The following MYO1E variants were observed in gnomAD, a reference collection of about 807,000 sequenced individuals.
MYO1E encodes the protein myosin IE.
MYO1E carries 68 observed loss-of-function variants against 151.1 expected under a neutral mutation model. The observed-to-expected ratio is 0.45, with a 90% CI of 0.37 to 0.55. MYO1E has a LOEUF of 0.55. Among genes scored for constraint, MYO1E ranks in the 20% least tolerant of loss-of-function variants. The pLI, the probability that MYO1E is intolerant of heterozygous loss-of-function variation, is 0.00. For missense variants in MYO1E, 1,363 were observed against 1,389.3 expected, an observed-to-expected ratio of 0.98 and a Z score of 0.30; for synonymous variants, 601 against 501.7, an observed-to-expected ratio of 1.20 and a Z score of -2.64.
chr15:59,362,527 G>C (rs1269122495), intron 1 of MYO1E, among the ~76,000 whole-genome samples: 1 of 152,202 alleles, frequency 6.6e-6, no homozygotes, highest in Non-Finnish European at 1.5e-5. Context: ...ATCTGATGTG[G>C]AGAAAGGGCA....
chr15:59,207,102 G>A, intron 14 of MYO1E: 1 of 1,614,252 alleles, frequency 6.2e-7, no homozygotes, highest in Non-Finnish European at 8.5e-7. Flanking sequence ...CGACTGTGAA[G>A]AGTGAGCTTA....
chr15:59,354,545 ACTG>A (rs1438102631), intron 1 of MYO1E, among the ~76,000 whole-genome samples: 1 of 152,070 alleles, frequency 6.6e-6, no homozygotes, highest in East Asian at 1.9e-4. Context: ...ACTCGAACAG[ACTG>A]CTGCCTCCAT....
intron 1 of MYO1E, among the ~76,000 whole-genome samples, chr15:59,346,496 G>A (rs2080794909): frequency 6.6e-6 from 1 of 152,126 alleles, no homozygotes; most frequent in Non-Finnish European, 1.5e-5. Flanking sequence ...TTGTAATTCT[G>A]TGGGTTATGA....
chr15:59,288,039 G>C (rs1241896526), intron 1 of MYO1E, among the ~76,000 whole-genome samples: 2 of 152,218 alleles, frequency 1.3e-5, no homozygotes, highest in Non-Finnish European at 2.9e-5. Context: ...ACTGCGTGGT[G>C]CACAGAGGCA....
intron 12 of MYO1E, 142 bp downstream of exon 12, chr15:59,214,086 T>C (rs2079898421): frequency 4.5e-6 from 3 of 661,622 alleles, no homozygotes; most frequent in Non-Finnish European, 7.7e-6. Flanking sequence ...CAATGGCATA[T>C]GGTTTTTCTG....
At chr15:59,174,291 T>C (rs1226221995) in intron 19 of MYO1E, 51 bp from the exon 20 acceptor site, 2 of 1,280,542 alleles carry the variant, frequency 1.6e-6, no homozygotes, top group South Asian at 2.4e-5. Flanking sequence ...CCCCAATCCC[T>C]GAACAACACT....
intron 9 of MYO1E, among the ~76,000 whole-genome samples, chr15:59,221,664 T>A (rs1301215573): frequency 6.6e-6 from 1 of 152,096 alleles, no homozygotes; most frequent in African/African-American, 2.4e-5. Context: ...TCGCCTCTAG[T>A]CAGGGAATTT....
chr15:59,199,263 A>C (rs2079786430), intron 16 of MYO1E, among the ~76,000 whole-genome samples: 2 of 151,928 alleles, frequency 1.3e-5, no homozygotes, highest in African/African-American at 4.8e-5. Flanking sequence ...TGCCCAGCTA[A>C]TTTTTGTATT....
intron 1 of MYO1E, among the ~76,000 whole-genome samples, chr15:59,346,422 C>G (rs2080794559): frequency 6.6e-6 from 1 of 152,058 alleles, no homozygotes; most frequent in Admixed American, 6.5e-5. Context: ...GTTTTTGAAG[C>G]AAGAGTAAAA....
At chr15:59,202,663 C>T (rs1457463595) in intron 15 of MYO1E, among the ~76,000 whole-genome samples, 1 of 152,168 alleles carries the variant, frequency 6.6e-6, no homozygotes, top group Admixed American at 6.5e-5. Flanking sequence ...TAAAACAATG[C>T]CTTTCCAACG....
intron 15 of MYO1E, among the ~76,000 whole-genome samples, chr15:59,204,653 C>T (rs1266777417): frequency 6.6e-6 from 1 of 152,148 alleles, no homozygotes; most frequent in East Asian, 1.9e-4. Flanking sequence ...GGGATACCCT[C>T]CCTCTTCTAC....
intron 1 of MYO1E, among the ~76,000 whole-genome samples, chr15:59,367,704 G>A (rs2080922418): frequency 6.6e-6 from 1 of 152,210 alleles, no homozygotes; most frequent in Non-Finnish European, 1.5e-5. Flanking sequence ...TTCCTGGTGA[G>A]TGAATGAGAA....
chr15:59,177,614 G>C (rs1335370183), intron 19 of MYO1E, among the ~76,000 whole-genome samples: 2 of 152,192 alleles, frequency 1.3e-5, no homozygotes, highest in Admixed American at 6.5e-5. Context: ...AAAAAGGAAT[G>C]AATGTCTTTA....
Position 59,147,596 on chromosome 15 carries a change from CA to C in MYO1E, c.3080+5993del, listed in dbSNP as rs748173480. Reference sequence around the variant, plus strand: ...TGGGTGACAGAGTGAGACTCTGTCTCAAAAAAAAAAAAAAAAAAACAATACA... The same window carrying C: ...TGGGTGACAGAGTGAGACTCTGTCTCAAAAAAAAAAAAAAAAAACAATACA... On this transcript the variant is annotated intron_variant, in intron 26 of 27. Coordinates refer to ENST00000288235, the MANE Select transcript of MYO1E (RefSeq NM_004998.4). Among the ~76,000 whole-genome samples the C allele has an allele frequency of 5.7e-3, 375 of 66,094 alleles. 1 individual carries two copies. The highest frequency in any genetic ancestry group is 0.022 in the African/African-American group (342 of 15,450). 43.4% of individuals were successfully genotyped at this position (66,094 alleles called of 152,430 possible).
At chr15:59,297,267 T>G (rs1027508044) in intron 1 of MYO1E, among the ~76,000 whole-genome samples, 1 of 151,036 alleles carries the variant, frequency 6.6e-6, no homozygotes, top group African/African-American at 2.4e-5. Context: ...TGTACCACAT[T>G]TGTCAGAATT....
intron 10 of MYO1E, among the ~76,000 whole-genome samples, chr15:59,215,332 T>C (rs1184949441): frequency 6.6e-6 from 1 of 152,200 alleles, no homozygotes; most frequent in Non-Finnish European, 1.5e-5. Flanking sequence ...TTAATTCCCA[T>C]TTCAGTTCTC....
chr15:59,169,578 TAG>T (rs1465105675), intron 22 of MYO1E, among the ~76,000 whole-genome samples: 2 of 152,130 alleles, frequency 1.3e-5, no homozygotes, highest in Admixed American at 6.5e-5. Context: ...TTTTTTTCCT[TAG>T]AGTCAGAAAA....
rs200326165 is a variant in MYO1E, at chr15:59,236,715, C to T, written c.333-43G>A. 267 of 1,455,050 alleles carry T rather than the reference C, an allele frequency of 1.8e-4. 2 individuals carry two copies. The East Asian group carries it at 3.2e-3, about 17-fold the overall frequency. The allele number at this position is 1,455,050 out of a possible 1,614,324, so 90.1% of individuals were successfully genotyped here. Reference sequence around the variant, plus strand: ...AAGAATCCACCTGAGAAGTGGATTGCGACCAGCTCCCTTCCTTGTCTCCCC... The same window carrying T: ...AAGAATCCACCTGAGAAGTGGATTGTGACCAGCTCCCTTCCTTGTCTCCCC... On this transcript the variant is annotated intron_variant, in intron 4 of 27. Coordinates refer to ENST00000288235, the MANE Select transcript of MYO1E (RefSeq NM_004998.4).
At chr15:59,259,425 T>C (rs6494091) in intron 3 of MYO1E, among the ~76,000 whole-genome samples, 120,802 of 152,124 alleles carry the variant, frequency 0.79, 48,522 homozygotes, top group Non-Finnish European at 0.85. Context: ...TCCAAAACAA[T>C]GGACTCTCAT....
Sources: gnomAD v4.1 joint callset for allele counts (sites outside exome capture counted in the v4.1 genomes callset) on GRCh38, gnomAD v4.1.1 for gene constraint, MANE v1.5 for transcripts, NCBI Gene and HGNC (gene_info 2026-07-23, HGNC 2026-07-21) for gene names.